GRM1: variants seen among roughly 807,000 people sequenced by gnomAD.
GRM1 encodes the protein glutamate metabotropic receptor 1, also known as metabotropic glutamate receptor 1.
GRM1 carries 33 observed loss-of-function variants against 90.9 expected under a neutral mutation model. That is an observed-to-expected ratio of 0.36 (90% confidence interval 0.28 to 0.49). The LOEUF (loss-of-function observed/expected upper bound fraction) is 0.49, where lower values mean the gene tolerates loss of function less well. Among genes scored for constraint, GRM1 ranks in the 20% least tolerant of loss-of-function variants. GRM1 has a pLI of 0.99. For synonymous variants in GRM1, 700 were observed against 613.2 expected, an observed-to-expected ratio of 1.14 and a Z score of -2.09; for missense variants, 1,190 against 1,534.3, an observed-to-expected ratio of 0.78 and a Z score of 3.75.
At position 146,097,633 on chromosome 6, in the gene GRM1, C is replaced by T. The variant is rs142239818; in HGVS notation, c.701-61715C>T. On this transcript the variant is annotated intron_variant, in intron 1 of 7. Transcript: ENST00000282753. Reference sequence around the variant, plus strand: ...AATTACCTATCCAGTATCTTCCCCCCCTACATTTTCCACAAAATGAATGCT... The same window carrying T: ...AATTACCTATCCAGTATCTTCCCCCTCTACATTTTCCACAAAATGAATGCT... Among the ~76,000 whole-genome samples the T allele has an allele frequency of 2.1e-3, 323 of 152,322 alleles. 1 individual carries two copies. The highest frequency in any genetic ancestry group is 7.2e-3 in the African/African-American group (299 of 41,582).
At chr6:146,275,880 AT>A (rs1782342533) in intron 2 of GRM1, among the ~76,000 whole-genome samples, 1 of 152,146 alleles carries the variant, frequency 6.6e-6, no homozygotes. Flanking sequence ...TTTTGCACAC[AT>A]TGCTGGAATT....
chr6:146,411,773 TAC>T (rs1439139864), intron 7 of GRM1, among the ~76,000 whole-genome samples: 1 of 152,146 alleles, frequency 6.6e-6, no homozygotes, highest in Non-Finnish European at 1.5e-5. Context: ...TGTTAAGATA[TAC>T]ACAGAGCCAA....
At chr6:146,131,867 T>C (rs1776410235) in intron 1 of GRM1, among the ~76,000 whole-genome samples, 1 of 152,096 alleles carries the variant, frequency 6.6e-6, no homozygotes, top group African/African-American at 2.4e-5. Context: ...AAACGGAGTG[T>C]GGTGAAGAAG....
In GRM1 at chr6:146,434,945, G is replaced by C; in HGVS notation, c.*149G>C. The C allele has an allele frequency of 1.4e-6, 1 of 736,790 alleles. No individual in the cohort carries two copies. The highest frequency in any genetic ancestry group is 1.7e-5 in the African/African-American group (1 of 57,788). The allele number at this position is 736,790 out of a possible 1,614,324, so 45.6% of individuals were successfully genotyped here. A position where few individuals can be genotyped will look rare whatever the true frequency, so the allele number is the denominator to read the frequency against. ...TGCTGCTGCTGCCGCTACTGCTGCT[G>C]CTGCCTTAAGTAGGAAGAGAGGGAA... is the stretch of plus-strand genomic sequence containing the variant. On this transcript the variant is annotated 3_prime_UTR_variant, in exon 8 of 8. Coordinates refer to ENST00000282753, the MANE Select transcript of GRM1 (RefSeq NM_001278064.2).
chr6:146,297,162 C>T (rs958595438), intron 2 of GRM1, among the ~76,000 whole-genome samples: 1 of 151,576 alleles, frequency 6.6e-6, no homozygotes, highest in Non-Finnish European at 1.5e-5. Flanking sequence ...AACGTGTAAA[C>T]AATTTTTTTT....
At chr6:146,272,416 ACT>A (rs1179379137) in intron 2 of GRM1, among the ~76,000 whole-genome samples, 1 of 152,184 alleles carries the variant, frequency 6.6e-6, no homozygotes, top group Non-Finnish European at 1.5e-5. Flanking sequence ...TATCCTTGAA[ACT>A]GGGGACCTTT....
chr6:146,135,736 A>G (rs1179209823), intron 1 of GRM1, among the ~76,000 whole-genome samples: 2 of 152,330 alleles, frequency 1.3e-5, no homozygotes, highest in Middle Eastern at 3.4e-3. Flanking sequence ...CAGTAACCAC[A>G]TCAGGGTAAA....
intron 2 of GRM1, among the ~76,000 whole-genome samples, chr6:146,250,783 C>T (rs1036848413): frequency 5.3e-5 from 8 of 152,280 alleles, no homozygotes; most frequent in African/African-American, 1.9e-4. Flanking sequence ...GAACCCCATA[C>T]CTTTTCAGTG....
At chr6:146,367,485 T>C (rs530209905) in intron 5 of GRM1, among the ~76,000 whole-genome samples, 1 of 152,248 alleles carries the variant, frequency 6.6e-6, no homozygotes, top group African/African-American at 2.4e-5. Context: ...ATGGATAAAT[T>C]GCATGCCACT....
At chr6:146,065,609 A>G in intron 1 of GRM1, among the ~76,000 whole-genome samples, 1 of 152,166 alleles carries the variant, frequency 6.6e-6, no homozygotes, top group Non-Finnish European at 1.5e-5. Context: ...TACATAGCAA[A>G]ACAGGACATG....
chr6:146,083,770 C>T (rs1024446708), intron 1 of GRM1, among the ~76,000 whole-genome samples: 2 of 152,216 alleles, frequency 1.3e-5, no homozygotes, highest in African/African-American at 4.8e-5. Flanking sequence ...GGAGGAGTCC[C>T]TCCTTTTCAA....
chr6:146,421,606 A>T (rs1254244627), intron 7 of GRM1, among the ~76,000 whole-genome samples: 1 of 152,126 alleles, frequency 6.6e-6, no homozygotes, highest in African/African-American at 2.4e-5. Context: ...AAGAAAGAAG[A>T]TTTTAATAGG....
chr6:146,192,799 A>C (rs1330888223), intron 2 of GRM1, among the ~76,000 whole-genome samples: 1 of 152,198 alleles, frequency 6.6e-6, no homozygotes, highest in African/African-American at 2.4e-5. Flanking sequence ...GAAACTTTTT[A>C]GTTATACATA....
intron 2 of GRM1, among the ~76,000 whole-genome samples, chr6:146,253,064 A>C (rs1781355562): frequency 6.6e-6 from 1 of 152,108 alleles, no homozygotes. Flanking sequence ...ATCTCAAAAA[A>C]AAAATTGATA....
rs111909344 is a variant in GRM1 at position 146,089,272 on chromosome 6, G to T, written c.700+59055G>T. ...CCAAGAACCAGCAAGAAGCCAGAGA[G>T]CTCACTCAGTCCTTCAGTATCAAGG... On this transcript the variant is annotated intron_variant, in intron 1 of 7. Transcript: ENST00000282753. Among the ~76,000 whole-genome samples, 1,266 of 152,204 alleles carry T rather than the reference G, an allele frequency of 8.3e-3. 10 individuals are homozygous for T. Among genetic ancestry groups the T allele is most frequent in the African/African-American group, 0.029 (1,198 of 41,544 alleles).
chr6:146,391,061 T>C (rs1425151450), intron 6 of GRM1, among the ~76,000 whole-genome samples: 1 of 152,104 alleles, frequency 6.6e-6, no homozygotes, highest in East Asian at 1.9e-4. Context: ...TGATGTAGTA[T>C]TGCAAATGTT....
At chr6:146,176,912 C>T (rs1452820271) in intron 2 of GRM1, among the ~76,000 whole-genome samples, 4 of 152,078 alleles carry the variant, frequency 2.6e-5, no homozygotes, top group Non-Finnish European at 5.9e-5. Flanking sequence ...CTTAACCTTT[C>T]TCTAAAGTGA....
At chr6:146,354,614 G>A (rs377282322) in intron 4 of GRM1, among the ~76,000 whole-genome samples, 4 of 151,976 alleles carry the variant, frequency 2.6e-5, no homozygotes, top group Non-Finnish European at 5.9e-5. Context: ...GGCATAATCC[G>A]TTTTCAATTT....
intron 2 of GRM1, among the ~76,000 whole-genome samples, chr6:146,239,243 G>A (rs9497501): frequency 0.21 from 31,316 of 152,028 alleles, 7,096 homozygotes; most frequent in African/African-American, 0.57. Flanking sequence ...GTTTATATCC[G>A]TATGTGGATA....
Sources: gnomAD v4.1 joint callset for allele counts (sites outside exome capture counted in the v4.1 genomes callset) on GRCh38, gnomAD v4.1.1 for gene constraint, MANE v1.5 for transcripts, NCBI Gene and HGNC (gene_info 2026-07-23, HGNC 2026-07-21) for gene names.